The following MFHAS1 variants were observed in gnomAD, a reference collection of about 807,000 sequenced individuals.
MFHAS1 encodes the protein malignant fibrous histiocytoma-amplified sequence 1.
A neutral mutation model predicts 70.4 loss-of-function variants in MFHAS1; 50 were observed. That is an observed-to-expected ratio of 0.71 (90% CI 0.57 to 0.90). The LOEUF is 0.90. Among genes scored for constraint, MFHAS1 ranks in the 40% least tolerant of loss-of-function variants. MFHAS1 has a pLI of 0.00. For synonymous variants in MFHAS1, 952 were observed against 620.0 expected (o/e 1.54, Z -7.96); for missense variants, 1,795 against 1,347.6 (o/e 1.33, Z -5.20).
intron 1 of MFHAS1, among the ~76,000 whole-genome samples, chr8:8,845,388 A>G (rs1240473797): frequency 6.6e-6 from 1 of 152,224 alleles, no homozygotes; most frequent in South Asian, 2.1e-4. Flanking sequence ...TAATATTAGC[A>G]TATCACAGAG....
intron 1 of MFHAS1, among the ~76,000 whole-genome samples, chr8:8,873,984 A>T (rs977764198): frequency 6.6e-6 from 1 of 152,192 alleles, no homozygotes; most frequent in Non-Finnish European, 1.5e-5. Context: ...TTATGCTGAA[A>T]ACAATGGTGT....
chr8:8,868,827 T>C (rs981840012), intron 1 of MFHAS1, among the ~76,000 whole-genome samples: 16 of 152,206 alleles, frequency 1.1e-4, no homozygotes, highest in Admixed American at 9.2e-4. Context: ...ACAGCACCTC[T>C]GATATCTCAC....
At chr8:8,888,788 G>T (rs73662206) in intron 1 of MFHAS1, among the ~76,000 whole-genome samples, 299 of 152,216 alleles carry the variant, frequency 2.0e-3, no homozygotes, top group African/African-American at 6.3e-3. Context: ...CAGGTCATTG[G>T]ACATTTGTCC....
chr8:8,804,316 T>G (rs1312901725), intron 1 of MFHAS1, among the ~76,000 whole-genome samples: 1 of 152,184 alleles, frequency 6.6e-6, no homozygotes. Flanking sequence ...TTTAACAATG[T>G]AAGGAAATTT....
At chr8:8,887,575 TTATATG>T (rs540744367) in intron 1 of MFHAS1, among the ~76,000 whole-genome samples, 141 of 150,268 alleles carry the variant, frequency 9.4e-4, no homozygotes, top group Middle Eastern at 3.5e-3. Flanking sequence ...TATTTTATAA[TTATATG>T]TATATGTATA....
chr8:8,859,578 C>G (rs996531534), intron 1 of MFHAS1, among the ~76,000 whole-genome samples: 4 of 152,192 alleles, frequency 2.6e-5, no homozygotes, highest in African/African-American at 9.7e-5. Context: ...CCTCAGTCTA[C>G]TCAATTTTAA....
rs1026315612 is a variant in MFHAS1 at position 8,816,727 on chromosome 8, T to C, written c.2999-19236A>G. Among the ~76,000 whole-genome samples the C allele has an allele frequency of 2.6e-5, 4 of 152,184 alleles. No individual in the cohort carries two copies. In the South Asian group the frequency reaches 6.2e-4, roughly 24 times the overall value. On this transcript the variant is annotated intron_variant, in intron 1 of 2. Transcript: ENST00000276282. ...ATTGGTAGATGACACTACCTACCAA[T>C]GGTTATTATATCAGTAGGTCAAAGT...
At chr8:8,848,315 C>T (rs1290071735) in intron 1 of MFHAS1, among the ~76,000 whole-genome samples, 2 of 151,930 alleles carry the variant, frequency 1.3e-5, no homozygotes, top group Non-Finnish European at 2.9e-5. Context: ...CCAATTTACA[C>T]ACCGCTGAAC....
chr8:8,805,228 T>C (rs922906800), intron 1 of MFHAS1, among the ~76,000 whole-genome samples: 7 of 152,198 alleles, frequency 4.6e-5, no homozygotes, highest in Admixed American at 3.3e-4. Flanking sequence ...CAAGCTTATA[T>C]AGTTGACCCT....
intron 1 of MFHAS1, among the ~76,000 whole-genome samples, chr8:8,848,792 A>T (rs1041248632): frequency 2.0e-5 from 3 of 152,210 alleles, no homozygotes; most frequent in African/African-American, 7.2e-5. Context: ...AGGCTACTTA[A>T]CACAAATGAA....
At chr8:8,866,405 G>A (rs1808859717) in intron 1 of MFHAS1, among the ~76,000 whole-genome samples, 1 of 150,958 alleles carries the variant, frequency 6.6e-6, no homozygotes, top group South Asian at 2.1e-4. Context: ...CGTAGCCTCT[G>A]CCGCCCTGGC....
chr8:8,862,144 A>AAGAGCAGCGT (rs1323787337), intron 1 of MFHAS1, among the ~76,000 whole-genome samples: 1 of 152,188 alleles, frequency 6.6e-6, no homozygotes, highest in Non-Finnish European at 1.5e-5. Context: ...TTCCACTCCC[A>AAGAGCAGCGT]AGAGCAGCGT....
chr8:8,808,750 G>T (rs190366404), intron 1 of MFHAS1, among the ~76,000 whole-genome samples: 1 of 152,160 alleles, frequency 6.6e-6, no homozygotes, highest in African/African-American at 2.4e-5. Context: ...AGATATGACC[G>T]GAAACGTTTT....
intron 1 of MFHAS1, among the ~76,000 whole-genome samples, chr8:8,802,686 C>G (rs1306921781): frequency 6.6e-6 from 1 of 152,196 alleles, no homozygotes. Context: ...CTAGGCCAGA[C>G]TGTCCATGAT....
intron 1 of MFHAS1, among the ~76,000 whole-genome samples, chr8:8,880,683 T>C (rs1421421276): frequency 8.1e-6 from 1 of 122,858 alleles, no homozygotes; most frequent in Non-Finnish European, 1.6e-5. Context: ...CTTCCTTTTT[T>C]GTTTTTTTTT....
In MFHAS1 at chr8:8,890,121, C is replaced by G. The variant is rs146683029; in HGVS notation, c.2938G>C (p.Val980Leu). 6.2e-7 allele frequency: 1 copy of G among 1,613,748 alleles called. No individual in the cohort carries two copies. Among genetic ancestry groups the G allele is most frequent in the Non-Finnish European group, 8.5e-7 (1 of 1,179,918 alleles). ...AGGCACTTAGAACAGAGAATGTGCA[C>G]GGTGTAGTGCAGTCCAGGCCATTCC... ...LQEWPGLHYT[V>L]HILCSKCLKR... The change falls in exon 1 of 3, where the codon GTG becomes CTG. Residue 980 changes from valine (V) to leucine (L), a missense_variant. Val to Leu is a conservative substitution (Grantham distance 32, BLOSUM62 1). Transcript: ENST00000276282.
chr8:8,837,397 T>C (rs796988570), intron 1 of MFHAS1, among the ~76,000 whole-genome samples: 4 of 152,102 alleles, frequency 2.6e-5, no homozygotes, highest in Non-Finnish European at 1.5e-5. Flanking sequence ...TCTCAACACT[T>C]TGGGAGGCAA....
chr8:8,836,748 G>T (rs140347267), intron 1 of MFHAS1, among the ~76,000 whole-genome samples: 1 of 152,178 alleles, frequency 6.6e-6, no homozygotes, highest in Non-Finnish European at 1.5e-5. Context: ...AGGTTGGGGA[G>T]AACAAATGAA....
intron 1 of MFHAS1, among the ~76,000 whole-genome samples, chr8:8,880,537 A>G (rs935645780): frequency 6.6e-6 from 1 of 152,192 alleles, no homozygotes; most frequent in African/African-American, 2.4e-5. Context: ...ACCTCCAGAG[A>G]GTAGTCTTAA....
Sources: allele counts gnomAD v4.1 joint callset (sites outside exome capture counted in the v4.1 genomes callset), GRCh38; gene constraint gnomAD v4.1.1; transcripts MANE v1.5; gene names NCBI Gene and HGNC (gene_info 2026-07-23, HGNC 2026-07-21).